ATP11A: variants seen among roughly 807,000 people sequenced by gnomAD.
ATP11A encodes the protein ATPase phospholipid transporting 11A.
In ATP11A, 81 loss-of-function variants were observed where a neutral mutation model predicts 154.4. That is an observed-to-expected ratio of 0.52 (90% confidence interval 0.44 to 0.63). The LOEUF (loss-of-function observed/expected upper bound fraction) is 0.63. Among genes scored for constraint, ATP11A ranks in the 30% least tolerant of loss-of-function variants. The pLI, the probability that ATP11A is intolerant of heterozygous loss-of-function variation, is 0.00. For synonymous variants in ATP11A, 623 were observed against 585.9 expected (o/e 1.06, Z -0.91); for missense variants, 1,316 against 1,474.3 (o/e 0.89, Z 1.76).
chr13:112,871,964 C>T (rs58716281), intron 26 of ATP11A, among the ~76,000 whole-genome samples, 164 bp downstream of exon 26: 1,806 of 152,274 alleles, frequency 0.012, 33 homozygotes, highest in African/African-American at 0.041. Flanking sequence ...CATCCTTGTC[C>T]TGCTGTTTAG....
chr13:112,742,254 A>G (rs951676693), intron 1 of ATP11A, among the ~76,000 whole-genome samples: 1 of 152,176 alleles, frequency 6.6e-6, no homozygotes, highest in African/African-American at 2.4e-5. Context: ...TGCATGGGAA[A>G]TGCAGCATGG....
intron 2 of ATP11A, among the ~76,000 whole-genome samples, chr13:112,791,885 C>T (rs2077868424): frequency 1.3e-5 from 2 of 152,270 alleles, no homozygotes; most frequent in East Asian, 3.9e-4. Flanking sequence ...AGCCGTAAGT[C>T]TCCTTCCTAC....
At chr13:112,837,431 A>G (rs9603964) in intron 16 of ATP11A, among the ~76,000 whole-genome samples, 6,889 of 152,290 alleles carry the variant, frequency 0.045, 265 homozygotes, top group African/African-American at 0.1. Context: ...GTCTGCAGCC[A>G]CTGGCTGCCT....
rs1488387962 is a variant in ATP11A, at chr13:112,753,239, CT to C, written c.40-31895del. Among the ~76,000 whole-genome samples, 1 of 152,220 alleles carries C rather than the reference CT, an allele frequency of 6.6e-6. No individual in the cohort carries two copies. The highest frequency in any genetic ancestry group is 1.5e-5 in the Non-Finnish European group (1 of 68,042). On this transcript the variant is annotated intron_variant, in intron 1 of 29. Transcript: ENST00000375645. This position sits in a 1 kb window ranked among gnomAD's most constrained non-coding sequence, Gnocchi z 4.1. ...CCTGTGGACTCAACCTCCCCCGCCCCTGGCCGCCCCACATCATGGACAGCTG... is the reference window on the plus strand; with the variant it reads ...CCTGTGGACTCAACCTCCCCCGCCCCGGCCGCCCCACATCATGGACAGCTG...
intron 1 of ATP11A, among the ~76,000 whole-genome samples, chr13:112,779,123 AGT>A: frequency 2.9e-5 from 1 of 34,352 alleles, no homozygotes; most frequent in Non-Finnish European, 5.3e-5. Context: ...CACTGGAGTG[AGT>A]AGCCGCTGGA....
intron 1 of ATP11A, among the ~76,000 whole-genome samples, chr13:112,691,518 G>A (rs1038638097): frequency 2.8e-4 from 41 of 146,666 alleles, no homozygotes; most frequent in African/African-American, 9.9e-4. Context: ...AGGAGAGGAA[G>A]AAAACTGTCC....
intron 8 of ATP11A, among the ~76,000 whole-genome samples, chr13:112,821,964 G>A (rs370296714): frequency 6.6e-5 from 10 of 152,148 alleles, no homozygotes; most frequent in African/African-American, 1.4e-4. Flanking sequence ...GGGAGGACGC[G>A]CGTGGAGCCC....
At chr13:112,874,358 G>T (rs921430009) in intron 27 of ATP11A, among the ~76,000 whole-genome samples, 6 of 152,246 alleles carry the variant, frequency 3.9e-5, no homozygotes, top group East Asian at 3.9e-4. Flanking sequence ...GGCTGTCGTG[G>T]TCAGTCGAGG....
intron 2 of ATP11A, among the ~76,000 whole-genome samples, chr13:112,789,025 AC>A (rs2077748535): frequency 6.6e-6 from 1 of 150,980 alleles, no homozygotes; most frequent in African/African-American, 2.4e-5. Context: ...TGACATGTAG[AC>A]CCCTGTGTAG....
At chr13:112,867,300 G>T (rs1452358878) in intron 25 of ATP11A, among the ~76,000 whole-genome samples, 2 of 152,244 alleles carry the variant, frequency 1.3e-5, no homozygotes, top group South Asian at 4.1e-4. Flanking sequence ...GAGAGGCAGG[G>T]CCTGGGTCAT....
chr13:112,858,520 C>T lies in ATP11A; in HGVS notation c.2667+230C>T, dbSNP rs1190236724. The T allele has an allele frequency of 6.6e-6, 3 of 454,394 alleles. No individual in the cohort carries two copies. In the East Asian group the frequency reaches 1.1e-4, roughly 17 times the overall value. 28.1% of individuals were successfully genotyped at this position (454,394 alleles called of 1,614,324 possible). A position where few individuals can be genotyped will look rare whatever the true frequency, so the allele number is the denominator to read the frequency against. On this transcript the variant is annotated intron_variant, in intron 22 of 29. Transcript: ENST00000375645. ...AACCCATGCCCAAAAATATCAAACG[C>T]AAAATTGCAGAAATAAACAGTTCCT... is the stretch of plus-strand genomic sequence containing the variant.
intron 1 of ATP11A, among the ~76,000 whole-genome samples, chr13:112,763,472 A>G (rs2077007048): frequency 6.6e-6 from 1 of 152,238 alleles, no homozygotes; most frequent in Non-Finnish European, 1.5e-5. Flanking sequence ...TCTTACCTCA[A>G]AATACATTTC....
intron 4 of ATP11A, among the ~76,000 whole-genome samples, chr13:112,808,903 G>T (rs916580201): frequency 6.0e-4 from 91 of 152,196 alleles, no homozygotes; most frequent in African/African-American, 2.1e-3. Context: ...AGGCTGGCTG[G>T]TGGGCAGTGC....
Position 112,881,026 on chromosome 13 carries a change from G to T in ATP11A, c.*10-850G>T, listed in dbSNP as rs1338471656. 4 of 989,236 alleles carry T rather than the reference G, an allele frequency of 4.0e-6. No individual in the cohort carries two copies. In the African/African-American group the frequency reaches 7.0e-5, roughly 17 times the overall value. 61.3% of individuals were successfully genotyped at this position (989,236 alleles called of 1,614,324 possible). A position where few individuals can be genotyped will look rare whatever the true frequency, so the allele number is the denominator to read the frequency against. ...ACGTGGTTATTGCATGGTTTGTGTG[G>T]AACTGGGGCCCAGGCAGGTGTGAGT... is the stretch of plus-strand genomic sequence containing the variant. On this transcript the variant is annotated intron_variant, in intron 29 of 29. Coordinates refer to ENST00000375645, the MANE Select transcript of ATP11A (RefSeq NM_015205.3).
intron 2 of ATP11A, among the ~76,000 whole-genome samples, chr13:112,787,863 C>G (rs58163382): frequency 2.8e-5 from 4 of 144,718 alleles, no homozygotes; most frequent in Non-Finnish European, 4.5e-5. Flanking sequence ...ATGTATAGAC[C>G]CTTGTGGAGA....
chr13:112,855,605 A>G (rs3742230), intron 19 of ATP11A, among the ~76,000 whole-genome samples: 63,658 of 152,100 alleles, frequency 0.42, 15,492 homozygotes, highest in African/African-American at 0.68. Context: ...AGTAAAGACC[A>G]ACCAAGATCT....
At position 112,696,407 on chromosome 13, in the gene ATP11A, C is replaced by G. The variant is rs1007907993; in HGVS notation, c.39+5952C>G. On this transcript the variant is annotated intron_variant, in intron 1 of 29. Transcript: ENST00000375645. The surrounding 1 kb of genome is among the most constrained non-coding windows in gnomAD (Gnocchi z 6.2). Reference sequence around the variant, plus strand: ...GTGGGAACGCCCCTGCCACGCCCAGCAGCCTTTCTGCCTCTGCGCTTGCCT... The same window carrying G: ...GTGGGAACGCCCCTGCCACGCCCAGGAGCCTTTCTGCCTCTGCGCTTGCCT... Among the ~76,000 whole-genome samples, 1 of 152,110 alleles carries G rather than the reference C, an allele frequency of 6.6e-6. No individual in the cohort carries two copies. The highest frequency in any genetic ancestry group is 1.5e-5 in the Non-Finnish European group (1 of 68,020).
chr13:112,735,253 G>A (rs138607840), intron 1 of ATP11A, among the ~76,000 whole-genome samples: 2 of 152,296 alleles, frequency 1.3e-5, no homozygotes, highest in Non-Finnish European at 2.9e-5. Flanking sequence ...TTTTGCTAAC[G>A]TTTCAAGAAT....
rs1456381970 is a variant in ATP11A at position 112,690,346 on chromosome 13, C to T, written c.-71C>T. On this transcript the variant is annotated 5_prime_UTR_variant, in exon 1 of 30. Transcript: ENST00000375645. This position sits in a 1 kb window ranked among gnomAD's most constrained non-coding sequence, Gnocchi z 5.6. Reference sequence around the variant, plus strand: ...CGGGGGGCGCGGCCGCACTAGTACCCCGGAGCCCATGGGCGCGCCGAGCCG... The same window carrying T: ...CGGGGGGCGCGGCCGCACTAGTACCTCGGAGCCCATGGGCGCGCCGAGCCG... 21 of 1,181,588 alleles carry T rather than the reference C, an allele frequency of 1.8e-5. No individual in the cohort carries two copies. Among genetic ancestry groups the T allele is most frequent in the Non-Finnish European group, 2.1e-5 (20 of 945,876 alleles). 73.2% of individuals were successfully genotyped at this position (1,181,588 alleles called of 1,614,324 possible). A position where few individuals can be genotyped will look rare whatever the true frequency, so the allele number is the denominator to read the frequency against.
Sources: allele counts gnomAD v4.1 joint callset (sites outside exome capture counted in the v4.1 genomes callset), GRCh38; gene constraint gnomAD v4.1.1; non-coding constraint Gnocchi (gnomAD v3.1); transcripts MANE v1.5; gene names NCBI Gene and HGNC (gene_info 2026-07-23, HGNC 2026-07-21).